Variants in FAM178B observed in about 807,000 individuals in gnomAD.
FAM178B encodes protein FAM178B.
A neutral mutation model predicts 91.7 loss-of-function variants in FAM178B; 82 were observed. The ratio of observed to expected loss-of-function variants is 0.89; its 90% CI spans 0.75 to 1.07. The LOEUF (loss-of-function observed/expected upper bound fraction) is 1.07. Ranked by LOEUF, FAM178B falls within the 50% of genes least tolerant of loss-of-function variation. The pLI is 0.00. For synonymous variants in FAM178B, 368 were observed against 359.4 expected (o/e 1.02, Z -0.27); for missense variants, 769 against 846.7 (o/e 0.91, Z 1.14).
chr2:96,908,993 A>T (rs1052906249), intron 12 of FAM178B, among the ~76,000 whole-genome samples: 2 of 151,842 alleles, frequency 1.3e-5, no homozygotes, highest in Admixed American at 1.3e-4. Flanking sequence ...AAATACAAAA[A>T]TTAGCCGGGT....
At chr2:96,878,346 AC>A in intron 15 of FAM178B, 69 bp downstream of exon 15, 3 of 1,454,020 alleles carry the variant, frequency 2.1e-6, no homozygotes, top group Non-Finnish European at 2.9e-6. Flanking sequence ...ATCCCAGCCA[AC>A]CCCCGCCGCT....
intron 4 of FAM178B, among the ~76,000 whole-genome samples, chr2:96,967,909 G>GTTTTTTTTTTTTTTTT (rs1318481195): frequency 5.0e-5 from 2 of 40,228 alleles, no homozygotes; most frequent in Non-Finnish European, 1.0e-4. Context: ...ACCCTGTTTG[G>GTTTTTTTTTTTTTTTT]TCTTTTTTTT....
At position 96,878,455 on chromosome 2, in the gene FAM178B, C is replaced by G. The variant is rs779098834; in HGVS notation, c.1815G>C (p.Gly605=). ...YLCHSLLMLA[G]VVVSCQDITP... ...TGATGTCCTGGCAGCTAACAACTAC[C>G]CCGGCCAGCATCAGCAAGCTGTGGC... The change falls in exon 15 of 17, where the codon GGG becomes GGC. Residue 605 remains glycine (G), a synonymous_variant. Coordinates refer to ENST00000490605, the MANE Select transcript of FAM178B (RefSeq NM_001122646.3). 5.6e-6 allele frequency: 9 copies of G among 1,613,972 alleles called. 1 individual carries two copies. The South Asian group carries it at 8.8e-5, about 16-fold the overall frequency.
intron 1 of FAM178B, among the ~76,000 whole-genome samples, chr2:96,981,814 C>T (rs1026280562): frequency 2.0e-5 from 3 of 150,492 alleles, no homozygotes; most frequent in Non-Finnish European, 4.4e-5. Flanking sequence ...CACCTGTAAT[C>T]CCAGCACTTT....
chr2:96,935,193 A>G (rs1178719514), intron 8 of FAM178B, among the ~76,000 whole-genome samples: 2 of 152,216 alleles, frequency 1.3e-5, no homozygotes, highest in Admixed American at 6.5e-5. Context: ...AACAAAAACA[A>G]AAGAAAAAAA....
intron 5 of FAM178B, among the ~76,000 whole-genome samples, chr2:96,966,727 G>A (rs766438910): frequency 1.1e-4 from 17 of 152,162 alleles, no homozygotes; most frequent in Non-Finnish European, 2.1e-4. Flanking sequence ...TGGGGCCTTT[G>A]GGAGGTGATG....
At chr2:96,917,361 G>A (rs2081258209) in intron 12 of FAM178B, among the ~76,000 whole-genome samples, 1 of 152,194 alleles carries the variant, frequency 6.6e-6, no homozygotes. Flanking sequence ...TGCCTGAAAG[G>A]CAGGCGCAAG....
intron 14 of FAM178B, among the ~76,000 whole-genome samples, chr2:96,886,295 T>C (rs1306797805): frequency 1.3e-5 from 2 of 152,238 alleles, no homozygotes; most frequent in African/African-American, 2.4e-5. Flanking sequence ...GTATGCTAGC[T>C]TGCCAATGTG....
chr2:96,896,065 T>A lies in FAM178B; in HGVS notation c.1651-2014A>T, dbSNP rs552734687. ...CTTCCTCAGGCTTCACAAGTCAAGA[T>A]AGTTTCCAGAACAGTTCTGCCCACT... is the stretch of plus-strand genomic sequence containing the variant. On this transcript the variant is annotated intron_variant, in intron 13 of 16. Transcript: ENST00000490605. Among the ~76,000 whole-genome samples the A allele has an allele frequency of 1.8e-3, 272 of 152,326 alleles. 2 individuals carry two copies. The highest frequency in any genetic ancestry group is 0.017 in the Middle Eastern group (5 of 294).
At chr2:96,977,479 G>A (rs1194049217) in intron 1 of FAM178B, among the ~76,000 whole-genome samples, 24 of 148,550 alleles carry the variant, frequency 1.6e-4, no homozygotes, top group African/African-American at 5.7e-4. Flanking sequence ...TTGGTGGGGA[G>A]GGTCAAGAAT....
At chr2:96,953,388 ACT>A (rs1178643085) in intron 6 of FAM178B, among the ~76,000 whole-genome samples, 3 of 152,082 alleles carry the variant, frequency 2.0e-5, no homozygotes, top group African/African-American at 7.2e-5. Context: ...CGCTTCAGGG[ACT>A]CTGAGGAGAC....
chr2:96,965,613 C>A (rs867565068), intron 5 of FAM178B, among the ~76,000 whole-genome samples: 1 of 152,124 alleles, frequency 6.6e-6, no homozygotes, highest in South Asian at 2.1e-4. Context: ...CGGGCATGTG[C>A]CAACACATCT....
intron 6 of FAM178B, among the ~76,000 whole-genome samples, chr2:96,954,336 C>T (rs550895940): frequency 2.6e-5 from 4 of 152,382 alleles, no homozygotes; most frequent in African/African-American, 7.2e-5. Context: ...CCTCCACCCT[C>T]GCCGCCCACT....
At position 96,878,430 on chromosome 2, in the gene FAM178B, T is replaced by C. The variant is rs1161684797; in HGVS notation, c.1840A>G (p.Thr614Ala). Residue 614 changes from threonine (T) to alanine (A), a missense_variant, in exon 15 of 17, where the codon ACT becomes GCT. Physicochemically the swap from Thr to Ala is moderately conservative, Grantham distance 58 (BLOSUM62 0). Coordinates refer to ENST00000490605, the MANE Select transcript of FAM178B (RefSeq NM_001122646.3). Reference sequence around the variant, plus strand: ...GGGAGACTCACCCACTGGTCTGGAGTGATGTCCTGGCAGCTAACAACTACC... The same window carrying C: ...GGGAGACTCACCCACTGGTCTGGAGCGATGTCCTGGCAGCTAACAACTACC... ...AGVVVSCQDITPDQWGELQLL... is the reference protein window; with the variant it reads ...AGVVVSCQDIAPDQWGELQLL... 2.5e-6 allele frequency: 4 copies of C among 1,613,520 alleles called. No individual in the cohort carries two copies. Among genetic ancestry groups the C allele is most frequent in the Non-Finnish European group, 3.4e-6 (4 of 1,179,904 alleles).
At chr2:96,909,211 T>C (rs1574232046) in intron 12 of FAM178B, among the ~76,000 whole-genome samples, 1 of 151,130 alleles carries the variant, frequency 6.6e-6, no homozygotes, top group Admixed American at 6.6e-5. Flanking sequence ...AGCTTCTGCA[T>C]AGTTATCCAT....
chr2:96,902,856 A>G, intron 12 of FAM178B, 149 bp from the exon 13 acceptor site: 1 of 615,384 alleles, frequency 1.6e-6, no homozygotes, highest in Non-Finnish European at 3.0e-6. Flanking sequence ...GGCTTACAGC[A>G]TTATGTATTC....
intron 5 of FAM178B, among the ~76,000 whole-genome samples, chr2:96,963,203 T>C (rs1459955485): frequency 6.6e-6 from 1 of 152,204 alleles, no homozygotes; most frequent in Non-Finnish European, 1.5e-5. Flanking sequence ...AGGTACTCAG[T>C]AGAAAGATAC....
intron 13 of FAM178B, among the ~76,000 whole-genome samples, chr2:96,900,545 GCAAA>G (rs2080908178): frequency 1.3e-5 from 2 of 152,028 alleles, no homozygotes; most frequent in African/African-American, 2.4e-5. Context: ...CAGATGCTGA[GCAAA>G]CAAATAGGAA....
chr2:96,895,388 T>C lies in FAM178B; in HGVS notation c.1651-1337A>G, dbSNP rs879909910. Among the ~76,000 whole-genome samples the C allele has an allele frequency of 1.2e-4, 19 of 152,242 alleles. 1 individual carries two copies. Among genetic ancestry groups the C allele is most frequent in the Admixed American group, 1.1e-3 (17 of 15,282 alleles). The stretch of plus-strand genomic sequence containing the variant: ...CCCACACACTGCTTTTGGCTGACTA[T>C]GGCACCTAAGCTATTAGCCGCCCCA... On this transcript the variant is annotated intron_variant, in intron 13 of 16. Transcript: ENST00000490605.
Sources: gnomAD v4.1 joint callset for allele counts (sites outside exome capture counted in the v4.1 genomes callset) on GRCh38, gnomAD v4.1.1 for gene constraint, MANE v1.5 for transcripts, NCBI Gene and HGNC (gene_info 2026-07-23, HGNC 2026-07-21) for gene names.